MTMR4: variants seen among roughly 807,000 people sequenced by gnomAD.
MTMR4 encodes the protein phosphatidylinositol-3,5-bisphosphate 3-phosphatase MTMR4.
A neutral mutation model predicts 125.5 loss-of-function variants in MTMR4; 30 were observed. That is an observed-to-expected ratio of 0.24 (90% CI 0.18 to 0.32). MTMR4 has a LOEUF of 0.32. MTMR4 is among the 10% of genes least tolerant of loss of function. The pLI is 1.00. For missense variants in MTMR4, 1,039 were observed against 1,511.5 expected (o/e 0.69, Z 5.18); for synonymous variants, 498 against 564.5 (o/e 0.88, Z 1.67).
Position 58,514,488 on chromosome 17 carries a change from G to A in MTMR4, c.-81C>T. ...CAGCCCCGGGCGCCCGCCGCATCCC[G>A]GCTGCGGGGCTCGCCAGGTGCAGCC... On this transcript the variant is annotated 5_prime_UTR_variant, in exon 1 of 18. Transcript: ENST00000682306. 1.0e-6 allele frequency: 1 copy of A among 985,128 alleles called. No individual in the cohort carries two copies. The highest frequency in any genetic ancestry group is 4.7e-5 in the South Asian group (1 of 21,294). 61.0% of individuals were successfully genotyped at this position (985,128 alleles called of 1,614,324 possible).
chr17:58,514,872 C>T (rs1976043946), upstream of MTMR4: 3 of 506,304 alleles, frequency 5.9e-6, no homozygotes, highest in South Asian at 2.6e-4. Flanking sequence ...TGCCCTCTTA[C>T]AAACCCATCC....
At chr17:58,497,347 G>A (rs993876131) in intron 14 of MTMR4, among the ~76,000 whole-genome samples, 13 of 152,050 alleles carry the variant, frequency 8.5e-5, no homozygotes, top group Admixed American at 5.9e-4. Flanking sequence ...TTAATGGTAC[G>A]AAATTCCAGG....
intron 10 of MTMR4, 83 bp from the exon 11 acceptor site, chr17:58,505,057 CA>C (rs1341060696): frequency 2.2e-6 from 3 of 1,338,172 alleles, no homozygotes; most frequent in Middle Eastern, 2.7e-4. Flanking sequence ...CAGCCCCACC[CA>C]ACAAAGTCCC....
Position 58,493,034 on chromosome 17 carries a change from T to G in MTMR4, c.3253-82A>C, listed in dbSNP as rs185915342. 2.1e-4 allele frequency: 218 copies of G among 1,032,634 alleles called. 2 individuals carry two copies. The highest frequency in any genetic ancestry group is 2.0e-3 in the East Asian group (85 of 41,730). 64.0% of individuals were successfully genotyped at this position (1,032,634 alleles called of 1,614,324 possible). ...ACCATGTGTCAGGCACTGTGCTAAG[T>G]GCATTACACACATGAACTTATTTCT... On this transcript the variant is annotated intron_variant, in intron 15 of 17. Coordinates refer to ENST00000682306, the MANE Select transcript of MTMR4 (RefSeq NM_001378067.1).
Position 58,506,729 on chromosome 17 carries a change from G to GA in MTMR4, c.1033+13dup. 2.5e-6 allele frequency: 4 copies of GA among 1,612,270 alleles called. No homozygotes were observed. Among genetic ancestry groups the GA allele is most frequent in the Non-Finnish European group, 3.4e-6 (4 of 1,179,058 alleles). On this transcript the variant is annotated intron_variant, in intron 9 of 17. Transcript: ENST00000682306. The stretch of plus-strand genomic sequence containing the variant: ...AGCACAGGCTGGCTGCAGACACTGG[G>GA]ATAACAGCAATACCTTCACATTCAC...
chr17:58,511,251 T>C (rs1227147921), intron 4 of MTMR4, 178 bp downstream of exon 4: 1 of 550,064 alleles, frequency 1.8e-6, no homozygotes, highest in Non-Finnish European at 3.2e-6. Context: ...TTTTTTCAGG[T>C]CAAGATCCTA....
Position 58,504,651 on chromosome 17 carries a change from G to T in MTMR4, c.1341+128C>A. 1 of 1,366,146 alleles carries T rather than the reference G, an allele frequency of 7.3e-7. No individual in the cohort carries two copies. The highest frequency in any genetic ancestry group is 1.0e-6 in the Non-Finnish European group (1 of 1,004,146). The allele number at this position is 1,366,146 out of a possible 1,614,324, so 84.6% of individuals were successfully genotyped here. The stretch of plus-strand genomic sequence containing the variant: ...CCAATTTTCCAAGCCTTTGGGAGTT[G>T]GAAAAAAAAAGAAAAAAAGAGCCAC... On this transcript the variant is annotated intron_variant, in intron 11 of 17. Transcript: ENST00000682306. The surrounding 1 kb of genome is among the most constrained non-coding windows in gnomAD (Gnocchi z 7.1).
At chr17:58,511,225 C>T in intron 4 of MTMR4, 1 of 509,174 alleles carries the variant, frequency 2.0e-6, no homozygotes, top group Non-Finnish European at 3.5e-6. Flanking sequence ...ACTCCATGAA[C>T]TAGGCATTAC....
chr17:58,518,930 G>T (rs2042069310), upstream of MTMR4, among the ~76,000 whole-genome samples: 1 of 152,230 alleles, frequency 6.6e-6, no homozygotes, highest in Non-Finnish European at 1.5e-5. Flanking sequence ...CTCCAGTACT[G>T]TTGGTAAGTT....
At chr17:58,513,033 C>CCA (rs993187731) in intron 1 of MTMR4, 92 bp from the exon 2 acceptor site, 19 of 857,000 alleles carry the variant, frequency 2.2e-5, no homozygotes, top group South Asian at 5.6e-5. Flanking sequence ...CCACAGATAC[C>CCA]CACACACACA....
chr17:58,503,758 G>A lies in MTMR4; in HGVS notation c.1839C>T (p.Gly613=). The A allele has an allele frequency of 6.2e-7, 1 of 1,613,886 alleles. No individual in the cohort carries two copies. The highest frequency in any genetic ancestry group is 1.3e-5 in the African/African-American group (1 of 75,036). Residue 613 remains glycine, a synonymous_variant, in exon 14 of 18, where the codon GGC becomes GGT. Transcript: ENST00000682306. ...GCTTTTCTTACCTGTCCAGAGAGCG[G>A]CCAGAGAACTCCTGGCTCTGGGCCA... The part of the protein sequence containing the change: ...SPVAQSQEFS[G]RSLDRLPKTR...
intron 8 of MTMR4, 54 bp downstream of exon 8, chr17:58,507,069 T>C (rs1263604289): frequency 1.2e-6 from 2 of 1,605,274 alleles, no homozygotes; most frequent in Non-Finnish European, 1.7e-6. Context: ...TGGGAGCCAA[T>C]GAAGCCAAGG....
intron 14 of MTMR4, among the ~76,000 whole-genome samples, chr17:58,499,050 C>G (rs1975548483): frequency 6.6e-6 from 1 of 152,144 alleles, no homozygotes; most frequent in Admixed American, 6.5e-5. Context: ...CTGATTAGTT[C>G]TCCAAGGATC....
chr17:58,504,576 G>C lies in MTMR4; in HGVS notation c.1342-88C>G. The C allele has an allele frequency of 6.8e-7, 1 of 1,476,402 alleles. No homozygotes were observed. Among genetic ancestry groups the C allele is most frequent in the Non-Finnish European group, 9.1e-7 (1 of 1,097,422 alleles). 91.5% of individuals were successfully genotyped at this position (1,476,402 alleles called of 1,614,324 possible). A position where few individuals can be genotyped will look rare whatever the true frequency, so the allele number is the denominator to read the frequency against. ...TGGGAACTGCCCAAAGCAGGAAGCTGGCAGCTTCAAAGAAAAATAGGACTG... is the reference window on the plus strand; with the variant it reads ...TGGGAACTGCCCAAAGCAGGAAGCTCGCAGCTTCAAAGAAAAATAGGACTG... On this transcript the variant is annotated intron_variant, in intron 11 of 17. Transcript: ENST00000682306. This position sits in a 1 kb window ranked among gnomAD's most constrained non-coding sequence, Gnocchi z 7.1.
At chr17:58,502,409 C>T (rs1056678854) in intron 14 of MTMR4, among the ~76,000 whole-genome samples, 3 of 151,952 alleles carry the variant, frequency 2.0e-5, no homozygotes, top group South Asian at 2.1e-4. Context: ...CCACCTGCCT[C>T]GGCCTCCCAA....
rs1215602919 is a variant in MTMR4, at chr17:58,489,899, G to A, written c.*1764C>T. The A allele has an allele frequency of 6.6e-6, 1 of 152,604 alleles. No individual in the cohort carries two copies. Among genetic ancestry groups the A allele is most frequent in the Admixed American group, 6.5e-5 (1 of 15,276 alleles). 9.5% of individuals were successfully genotyped at this position (152,604 alleles called of 1,614,324 possible). On this transcript the variant is annotated 3_prime_UTR_variant, in exon 18 of 18. Transcript: ENST00000682306. Reference sequence around the variant, plus strand: ...AGTAAATTTTAATGATTGATAAAATGCTTAAAATAATTTTATGTATCAGAA... The same window carrying A: ...AGTAAATTTTAATGATTGATAAAATACTTAAAATAATTTTATGTATCAGAA...
At chr17:58,513,796 G>C (rs1004098491) in intron 1 of MTMR4, among the ~76,000 whole-genome samples, 3 of 152,068 alleles carry the variant, frequency 2.0e-5, no homozygotes, top group African/African-American at 7.2e-5. Context: ...AGCCAGAGCG[G>C]GAGGAGGGGA....
Position 58,508,506 on chromosome 17 carries a change from C to G in MTMR4, c.555G>C (p.Gln185His), listed in dbSNP as rs368745705. Residue 185 changes from glutamine to histidine, a missense_variant, in exon 6 of 18, where the codon CAG becomes CAC. This residue lies in a region of MTMR4 where 202 missense variants were observed against 311.9 expected (regional missense o/e 0.65). Transcript: ENST00000682306. This position sits in a 1 kb window ranked among gnomAD's most constrained non-coding sequence, Gnocchi z 4.8. ...TGATGTGTGAGACTCTCCAGACGTT[C>G]TGCAGGTCAAAGCCCATCCTTGCAA... ...AELARMGFDL[Q>H]NVWRVSHINS... 1.1e-4 allele frequency: 172 copies of G among 1,614,132 alleles called. No individual in the cohort carries two copies. Among genetic ancestry groups the G allele is most frequent in the Non-Finnish European group, 1.4e-4 (168 of 1,180,052 alleles).
At chr17:58,502,438 A>G (rs556588995) in intron 14 of MTMR4, among the ~76,000 whole-genome samples, 1 of 152,034 alleles carries the variant, frequency 6.6e-6, no homozygotes, top group South Asian at 2.1e-4. Flanking sequence ...GATTACAGGC[A>G]TGAGCCACCG....
Sources: allele counts gnomAD v4.1 joint callset (sites outside exome capture counted in the v4.1 genomes callset), GRCh38; gene constraint gnomAD v4.1.1; regional missense constraint gnomAD v4.1.1; non-coding constraint Gnocchi (gnomAD v3.1); transcripts MANE v1.5; gene names NCBI Gene and HGNC (gene_info 2026-07-23, HGNC 2026-07-21).